Variants in SHROOM3 observed in about 807,000 individuals in gnomAD.
SHROOM3 encodes the protein shroom family member 3.
A neutral mutation model predicts 138.6 loss-of-function variants in SHROOM3; 47 were observed. The ratio of observed to expected loss-of-function variants is 0.34; its 90% CI spans 0.27 to 0.43. SHROOM3 has a LOEUF of 0.43. SHROOM3 is among the 20% of genes least tolerant of loss of function. The pLI, the probability that SHROOM3 is intolerant of heterozygous loss-of-function variation, is 1.00. For synonymous variants in SHROOM3, 1,062 were observed against 1,063.3 expected, an observed-to-expected ratio of 1.00 and a Z score of 0.02; for missense variants, 2,491 against 2,596.5, an observed-to-expected ratio of 0.96 and a Z score of 0.88.
chr4:76,482,261 A>T (rs1262660611), intron 1 of SHROOM3, among the ~76,000 whole-genome samples: 3 of 152,154 alleles, frequency 2.0e-5, no homozygotes, highest in Admixed American at 2.0e-4. Context: ...AAACCCCATC[A>T]TCTCAGCCCA....
At chr4:76,497,912 A>C (rs1732002785) in intron 1 of SHROOM3, among the ~76,000 whole-genome samples, 1 of 152,156 alleles carries the variant, frequency 6.6e-6, no homozygotes, top group Non-Finnish European at 1.5e-5. Context: ...AAAAATCAGG[A>C]AAGAGGTCGT....
intron 2 of SHROOM3, among the ~76,000 whole-genome samples, chr4:76,613,507 G>A (rs1298275778): frequency 2.0e-5 from 3 of 152,144 alleles, no homozygotes; most frequent in Admixed American, 1.3e-4. Flanking sequence ...TATCTTATCC[G>A]TCTCATTAAC....
At chr4:76,676,146 C>G (rs1223489300) in intron 2 of SHROOM3, among the ~76,000 whole-genome samples, 1 of 152,004 alleles carries the variant, frequency 6.6e-6, no homozygotes, top group African/African-American at 2.4e-5. Flanking sequence ...TGCTTCTCAG[C>G]AGTTTTATGA....
At chr4:76,657,177 C>G (rs2110091178) in intron 2 of SHROOM3, among the ~76,000 whole-genome samples, 1 of 150,970 alleles carries the variant, frequency 6.6e-6, no homozygotes, top group African/African-American at 2.4e-5. Flanking sequence ...AACTCTCTCT[C>G]TCTCTCTCTC....
intron 2 of SHROOM3, among the ~76,000 whole-genome samples, chr4:76,565,746 G>T (rs540184655): frequency 6.6e-6 from 1 of 152,112 alleles, no homozygotes; most frequent in Non-Finnish European, 1.5e-5. Flanking sequence ...GATTACAGGC[G>T]TGAACCTCCA....
intron 1 of SHROOM3, among the ~76,000 whole-genome samples, chr4:76,452,860 G>A (rs982305712): frequency 5.3e-5 from 8 of 152,162 alleles, no homozygotes; most frequent in African/African-American, 1.9e-4. Flanking sequence ...TGGGATTACA[G>A]GTGCCTGCCA....
intron 5 of SHROOM3, among the ~76,000 whole-genome samples, chr4:76,743,852 C>T (rs1221392592): frequency 6.6e-6 from 1 of 152,218 alleles, no homozygotes; most frequent in Non-Finnish European, 1.5e-5. Context: ...CACTAACACA[C>T]ATTTAAAATC....
intron 8 of SHROOM3, among the ~76,000 whole-genome samples, chr4:76,757,704 C>T (rs1035507194): frequency 1.3e-5 from 2 of 152,212 alleles, no homozygotes; most frequent in African/African-American, 4.8e-5. Flanking sequence ...GCTTCTGAAG[C>T]TCCTTGAGCC....
Position 76,598,863 on chromosome 4 carries a change from A to G in SHROOM3, c.323+43100A>G, listed in dbSNP as rs1434825550. ...TGACAAAATCGGACTTGTGCTTACG[A>G]AAGACCATTCTGGCTGCATTTTGGG... On this transcript the variant is annotated intron_variant, in intron 2 of 10. Transcript: ENST00000296043. 4.6e-5 allele frequency among the ~76,000 whole-genome samples: 7 copies of G among 152,328 alleles called. No homozygotes were observed. In the South Asian group the frequency reaches 1.5e-3, roughly 32 times the overall value.
intron 1 of SHROOM3, among the ~76,000 whole-genome samples, chr4:76,541,820 A>G (rs901902452): frequency 6.6e-6 from 1 of 152,134 alleles, no homozygotes; most frequent in African/African-American, 2.4e-5. Flanking sequence ...CCAGGAACAC[A>G]AAAGACTCAA....
chr4:76,500,552 T>C (rs766639525), intron 1 of SHROOM3, among the ~76,000 whole-genome samples: 1 of 152,160 alleles, frequency 6.6e-6, no homozygotes, highest in Non-Finnish European at 1.5e-5. Flanking sequence ...AAAGTGGTTA[T>C]ACCATTTTTT....
intron 2 of SHROOM3, among the ~76,000 whole-genome samples, chr4:76,646,474 T>A (rs1198893087): frequency 6.6e-6 from 1 of 152,024 alleles, no homozygotes; most frequent in Non-Finnish European, 1.5e-5. Context: ...CACCTATTAT[T>A]CCCATGTCAT....
At chr4:76,634,762 A>C (rs1014377445) in intron 2 of SHROOM3, among the ~76,000 whole-genome samples, 2 of 152,222 alleles carry the variant, frequency 1.3e-5, no homozygotes, top group Non-Finnish European at 2.9e-5. Flanking sequence ...TAAACTTTTA[A>C]AAATAACTGT....
At chr4:76,680,135 C>T (rs1212124153) in intron 2 of SHROOM3, among the ~76,000 whole-genome samples, 1 of 139,588 alleles carries the variant, frequency 7.2e-6, no homozygotes, top group Non-Finnish European at 1.5e-5. Context: ...TGCAGCTTGA[C>T]CTATACCTTT....
At chr4:76,483,539 A>G (rs1388095084) in intron 1 of SHROOM3, among the ~76,000 whole-genome samples, 1 of 152,218 alleles carries the variant, frequency 6.6e-6, no homozygotes, top group Non-Finnish European at 1.5e-5. Flanking sequence ...ACATTTTTAC[A>G]CTGTTGGTGG....
intron 2 of SHROOM3, among the ~76,000 whole-genome samples, chr4:76,564,516 AT>A (rs1733658895): frequency 6.6e-6 from 1 of 152,094 alleles, no homozygotes; most frequent in South Asian, 2.1e-4. Context: ...ATAGTATTTT[AT>A]TTCCTAACCA....
intron 8 of SHROOM3, among the ~76,000 whole-genome samples, chr4:76,758,812 G>A (rs190909189): frequency 6.6e-5 from 10 of 152,054 alleles, no homozygotes; most frequent in South Asian, 2.1e-4. Flanking sequence ...CAAGAGAATC[G>A]TACTTCCATA....
chr4:76,515,012 C>T (rs1052383969), intron 1 of SHROOM3, among the ~76,000 whole-genome samples: 7 of 151,952 alleles, frequency 4.6e-5, no homozygotes, highest in African/African-American at 1.7e-4. Context: ...GTCAGGAGTT[C>T]GAGACCAGTC....
intron 2 of SHROOM3, among the ~76,000 whole-genome samples, chr4:76,561,205 C>G (rs934036346): frequency 1.3e-5 from 2 of 152,098 alleles, no homozygotes; most frequent in South Asian, 2.1e-4. Context: ...CCCTTCCCAT[C>G]AATTTATTCT....
Sources: allele counts gnomAD v4.1 joint callset (sites outside exome capture counted in the v4.1 genomes callset), GRCh38; gene constraint gnomAD v4.1.1; transcripts MANE v1.5; gene names NCBI Gene and HGNC (gene_info 2026-07-23, HGNC 2026-07-21).